PTPRD: variants seen among roughly 807,000 people sequenced by gnomAD.
PTPRD encodes protein tyrosine phosphatase receptor type D.
Under a neutral mutation model 214.5 loss-of-function variants are expected in PTPRD, and 34 were observed. The observed-to-expected ratio is 0.16, with a 90% CI of 0.12 to 0.21. The LOEUF is 0.21. PTPRD is among the 10% of genes least tolerant of loss of function. PTPRD has a pLI of 1.00. For synonymous variants in PTPRD, 1,128 were observed against 845.7 expected (o/e 1.33, Z -5.79); for missense variants, 2,545 against 2,398.7 (o/e 1.06, Z -1.27).
At chr9:9,732,031 A>T (rs562426281) in intron 7 of PTPRD, among the ~76,000 whole-genome samples, 1 of 151,602 alleles carries the variant, frequency 6.6e-6, no homozygotes, top group Non-Finnish European at 1.5e-5. Context: ...GTTCAAGGAC[A>T]GGGGGAATCA....
chr9:8,995,651 G>T (rs1056308689), intron 11 of PTPRD, among the ~76,000 whole-genome samples: 1 of 151,962 alleles, frequency 6.6e-6, no homozygotes, highest in African/African-American at 2.4e-5. Flanking sequence ...GTTGAAATCG[G>T]GTTCCCCTAT....
chr9:8,540,852 T>C (rs1182089537), intron 14 of PTPRD, among the ~76,000 whole-genome samples: 2 of 152,176 alleles, frequency 1.3e-5, no homozygotes, highest in Non-Finnish European at 2.9e-5. Context: ...ATAATTTTTC[T>C]AAAAAGAGCA....
At chr9:9,845,346 T>C (rs1374901405) in intron 5 of PTPRD, among the ~76,000 whole-genome samples, 4 of 151,592 alleles carry the variant, frequency 2.6e-5, no homozygotes, top group East Asian at 3.9e-4. Context: ...ACTTGAATGA[T>C]CTTGTCCACA....
intron 2 of PTPRD, among the ~76,000 whole-genome samples, chr9:10,436,975 G>C (rs1024315380): frequency 1.3e-5 from 2 of 151,764 alleles, no homozygotes; most frequent in Admixed American, 1.3e-4. Context: ...GTCAATGTGT[G>C]GGCTGAGCTT....
chr9:10,129,617 G>C (rs10958902), intron 3 of PTPRD, among the ~76,000 whole-genome samples: 20,127 of 150,688 alleles, frequency 0.13, 1,433 homozygotes, highest in South Asian at 0.27. Context: ...GTGACAACCA[G>C]GTCTGAACCT....
chr9:8,473,711 G>C (rs565412010), intron 30 of PTPRD, among the ~76,000 whole-genome samples: 2 of 151,494 alleles, frequency 1.3e-5, no homozygotes, highest in Admixed American at 1.3e-4. Context: ...TTCTTTCTTC[G>C]GCAGCACTCC....
At position 9,058,464 on chromosome 9, in the gene PTPRD, T is replaced by C. The variant is rs1194222147; in HGVS notation, c.-142-39729A>G. On this transcript the variant is annotated intron_variant, in intron 10 of 45. Coordinates refer to ENST00000381196, the MANE Select transcript of PTPRD (RefSeq NM_002839.4). The stretch of plus-strand genomic sequence containing the variant: ...AGGGTTTTTTTTTTTTTTTTTTTTT[T>C]TTTTGAGACGGAGTCTCGCTGTCGC... Among the ~76,000 whole-genome samples the C allele has an allele frequency of 3.9e-3, 424 of 109,232 alleles. 1 individual carries two copies. Among genetic ancestry groups the C allele is most frequent in the African/African-American group, 0.014 (386 of 27,048 alleles). The allele number at this position is 109,232 out of a possible 152,430, so 71.7% of individuals were successfully genotyped here.
intron 10 of PTPRD, among the ~76,000 whole-genome samples, chr9:9,148,511 T>A (rs1469065109): frequency 6.6e-6 from 1 of 152,174 alleles, no homozygotes; most frequent in Admixed American, 6.5e-5. Flanking sequence ...ATACGTGTCA[T>A]GAACACCAAG....
At chr9:9,245,324 G>T (rs533374070) in intron 9 of PTPRD, among the ~76,000 whole-genome samples, 12 of 152,230 alleles carry the variant, frequency 7.9e-5, no homozygotes, top group Admixed American at 7.2e-4. Flanking sequence ...GCACACGTAT[G>T]TTTATTGCGG....
intron 2 of PTPRD, among the ~76,000 whole-genome samples, chr9:10,532,823 T>C (rs956149573): frequency 3.3e-5 from 5 of 151,948 alleles, no homozygotes; most frequent in Non-Finnish European, 7.4e-5. Context: ...TCTTAGGTTG[T>C]GGTTTTCATG....
intron 8 of PTPRD, among the ~76,000 whole-genome samples, chr9:9,430,455 A>G (rs2082648538): frequency 6.6e-6 from 1 of 152,092 alleles, no homozygotes; most frequent in East Asian, 1.9e-4. Flanking sequence ...AAGAATCAAT[A>G]TCATGAAAAT....
At chr9:9,113,358 T>C (rs2099808794) in intron 10 of PTPRD, among the ~76,000 whole-genome samples, 1 of 152,128 alleles carries the variant, frequency 6.6e-6, no homozygotes, top group South Asian at 2.1e-4. Context: ...ATATTTACTA[T>C]GCAGTGACCA....
intron 3 of PTPRD, among the ~76,000 whole-genome samples, chr9:10,202,500 T>C (rs1172716887): frequency 6.6e-6 from 1 of 151,308 alleles, no homozygotes; most frequent in African/African-American, 2.4e-5. Flanking sequence ...AAACTTTGCA[T>C]CTTTTTATTT....
chr9:9,860,273 T>C (rs763228345), intron 5 of PTPRD, among the ~76,000 whole-genome samples: 2 of 152,206 alleles, frequency 1.3e-5, no homozygotes, highest in Non-Finnish European at 2.9e-5. Context: ...GAATTACAAA[T>C]TCAGCTACAA....
rs58529453 is a variant in PTPRD, at chr9:8,414,930, G to GGAGAGAGAGAGA, written c.4087-10282_4087-10271dup. Among the ~76,000 whole-genome samples the GGAGAGAGAGAGA allele has an allele frequency of 7.8e-3, 384 of 49,214 alleles. 10 individuals are homozygous for GGAGAGAGAGAGA. Among genetic ancestry groups the GGAGAGAGAGAGA allele is most frequent in the Middle Eastern group, 0.017 (1 of 60 alleles). The allele number at this position is 49,214 out of a possible 152,430, so 32.3% of individuals were successfully genotyped here. ...GAGGGAGGGGGAGAGAGAGGGAGGG[G>GGAGAGAGAGAGA]GAGAGAGAGAGAGAGAGAGAGAGAG... On this transcript the variant is annotated intron_variant, in intron 35 of 45. Transcript: ENST00000381196.
chr9:8,780,403 A>C (rs1321266991), intron 11 of PTPRD, among the ~76,000 whole-genome samples: 4 of 152,300 alleles, frequency 2.6e-5, no homozygotes, highest in Non-Finnish European at 4.4e-5. Context: ...ATAGCCAAGA[A>C]TTTGAACTTT....
intron 8 of PTPRD, among the ~76,000 whole-genome samples, chr9:9,507,951 G>C (rs2096608378): frequency 6.6e-6 from 1 of 151,366 alleles, no homozygotes; most frequent in African/African-American, 2.4e-5. Context: ...GGGAAAATGA[G>C]CTCTTAAAAA....
chr9:9,905,704 T>G (rs1450309382), intron 5 of PTPRD, among the ~76,000 whole-genome samples: 1 of 151,992 alleles, frequency 6.6e-6, no homozygotes, highest in Non-Finnish European at 1.5e-5. Context: ...TTTGCACTAC[T>G]AATACAGAAG....
intron 7 of PTPRD, among the ~76,000 whole-genome samples, chr9:9,619,400 C>G (rs1244796159): frequency 6.6e-6 from 1 of 151,474 alleles, no homozygotes; most frequent in African/African-American, 2.4e-5. Context: ...AACTTTGACA[C>G]TGATCCAACC....
Sources: gnomAD v4.1 joint callset for allele counts (sites outside exome capture counted in the v4.1 genomes callset) on GRCh38, gnomAD v4.1.1 for gene constraint, MANE v1.5 for transcripts, NCBI Gene and HGNC (gene_info 2026-07-23, HGNC 2026-07-21) for gene names.